Variants in TMEM43 observed in about 807,000 individuals in gnomAD.
TMEM43 encodes the protein transmembrane protein 43.
TMEM43 carries 45 observed loss-of-function variants against 49.6 expected under a neutral mutation model. That is an observed-to-expected ratio of 0.91 (90% CI 0.71 to 1.16). TMEM43 has a LOEUF of 1.16. Among genes scored for constraint, TMEM43 ranks in the 50% most tolerant of loss-of-function variants. The pLI, the probability that TMEM43 is intolerant of heterozygous loss-of-function variation, is 0.00. For synonymous variants in TMEM43, 199 were observed against 207.8 expected (o/e 0.96, Z 0.36); for missense variants, 532 against 516.6 (o/e 1.03, Z -0.29).
In TMEM43 at chr3:14,143,532, T is replaced by A. The variant is rs1298924564; in HGVS notation, c.*1737T>A. The stretch of plus-strand genomic sequence containing the variant: ...CAAAATCCTTGGGCTTTGGTTTTTT[T>A]CTAGTAAGGATTTTAAATAACTGCC... On this transcript the variant is annotated 3_prime_UTR_variant, in exon 12 of 12. Transcript: ENST00000306077. 6.6e-6 allele frequency: 1 copy of A among 152,254 alleles called. No individual in the cohort carries two copies. Among genetic ancestry groups the A allele is most frequent in the Non-Finnish European group, 1.5e-5 (1 of 68,046 alleles). The allele number at this position is 152,254 out of a possible 1,614,324, so 9.4% of individuals were successfully genotyped here.
chr3:14,140,156 G>A (rs564655691), intron 11 of TMEM43, among the ~76,000 whole-genome samples: 3 of 152,318 alleles, frequency 2.0e-5, no homozygotes, highest in East Asian at 1.9e-4. Flanking sequence ...AAACAGGCCC[G>A]GGAAGGGAAG....
intron 1 of TMEM43, among the ~76,000 whole-genome samples, chr3:14,127,089 A>T (rs1018995761): frequency 5.3e-5 from 8 of 152,028 alleles, no homozygotes; most frequent in Admixed American, 4.6e-4. Flanking sequence ...GAGTGCTAGG[A>T]CTGGGAGGGG....
At chr3:14,133,985 G>A (rs956186390) in intron 7 of TMEM43, among the ~76,000 whole-genome samples, 176 bp downstream of exon 7, 1 of 152,196 alleles carries the variant, frequency 6.6e-6, no homozygotes, top group East Asian at 1.9e-4. Context: ...AAGGGCTGAC[G>A]TAGAAACCCC....
intron 11 of TMEM43, among the ~76,000 whole-genome samples, chr3:14,140,687 A>ATCT (rs1388221054): frequency 2.0e-5 from 3 of 152,206 alleles, no homozygotes; most frequent in African/African-American, 7.2e-5. Flanking sequence ...TGGAGTTAAG[A>ATCT]AGAGTACCTA....
Position 14,135,351 on chromosome 3 carries a change from C to G in TMEM43, c.780+119C>G, listed in dbSNP as rs937157208. 15 of 820,062 alleles carry G rather than the reference C, an allele frequency of 1.8e-5. No individual in the cohort carries two copies. In the African/African-American group the frequency reaches 2.0e-4, roughly 11 times the overall value. The allele number at this position is 820,062 out of a possible 1,614,324, so 50.8% of individuals were successfully genotyped here. Reference sequence around the variant, plus strand: ...CCTTTTCCCTGGGGAAAGGCACACTCTCGCACACACTCTCAGCCAGGCACG... The same window carrying G: ...CCTTTTCCCTGGGGAAAGGCACACTGTCGCACACACTCTCAGCCAGGCACG... On this transcript the variant is annotated intron_variant, in intron 9 of 11. Coordinates refer to ENST00000306077, the MANE Select transcript of TMEM43 (RefSeq NM_024334.3).
At chr3:14,131,034 C>T in intron 3 of TMEM43, 78 bp downstream of exon 3, 2 of 1,545,964 alleles carry the variant, frequency 1.3e-6, no homozygotes, top group Non-Finnish European at 1.8e-6. Context: ...GATTTGAAAG[C>T]ATGGGCCTTG....
Position 14,142,079 on chromosome 3 carries a change from T to C in TMEM43, c.*284T>C. 2.1e-6 allele frequency: 1 copy of C among 481,976 alleles called. No individual in the cohort carries two copies. Among genetic ancestry groups the C allele is most frequent in the South Asian group, 2.2e-5 (1 of 44,922 alleles). 29.9% of individuals were successfully genotyped at this position (481,976 alleles called of 1,614,324 possible). ...CTGCTGTTTCCTTCCTCTCTTGGAC[T>C]GAGTGGGTACGGCCAGCCACTCAGC... On this transcript the variant is annotated 3_prime_UTR_variant, in exon 12 of 12. Transcript: ENST00000306077.
rs201094625 is a variant in TMEM43, at chr3:14,130,825, C to T, written c.166C>T (p.Arg56Cys). 114 of 1,613,642 alleles carry T rather than the reference C, an allele frequency of 7.1e-5. No homozygotes were observed. The highest frequency in any genetic ancestry group is 1.3e-4 in the African/African-American group (10 of 74,898). ...SFYLIFTNEG[R>C]ALKTATSLAE... ...CCCCACTCCCCTTTGCTCCCAGGGC[C>T]GCGCATTGAAGACGGCAACCTCATT... Residue 56 changes from arginine (R) to cysteine (C), a missense_variant, in exon 3 of 12, where the codon CGC becomes TGC. Coordinates refer to ENST00000306077, the MANE Select transcript of TMEM43 (RefSeq NM_024334.3).
Position 14,135,802 on chromosome 3 carries a change from A to T in TMEM43, c.781-5A>T, listed in dbSNP as rs757974998. On this transcript the variant is annotated splice_region_variant and splice_polypyrimidine_tract_variant and intron_variant, in intron 9 of 11. Transcript: ENST00000306077. ...CTCAGCTCTAACACCAGGTCCTCTG[A>T]CCAGGTCACTGTGATTGCCCGGCAG... 6.2e-7 allele frequency: 1 copy of T among 1,612,648 alleles called. No individual in the cohort carries two copies. The highest frequency in any genetic ancestry group is 2.2e-5 in the East Asian group (1 of 44,882).
At chr3:14,135,365 C>G (rs1344582268) in intron 9 of TMEM43, 133 bp downstream of exon 9, 2 of 774,060 alleles carry the variant, frequency 2.6e-6, no homozygotes, top group Non-Finnish European at 4.4e-6. Flanking sequence ...CACACACTCT[C>G]AGCCAGGCAC....
chr3:14,141,538 T>G, intron 11 of TMEM43, 55 bp from the exon 12 acceptor site: 5 of 1,527,276 alleles, frequency 3.3e-6, no homozygotes, highest in African/African-American at 1.4e-5. Flanking sequence ...AGAGATCTGC[T>G]GAGCTGGTGA....
rs1440998561 is a variant in TMEM43, at chr3:14,136,945, GT to G, written c.882+1042del. On this transcript the variant is annotated intron_variant, in intron 10 of 11. Coordinates refer to ENST00000306077, the MANE Select transcript of TMEM43 (RefSeq NM_024334.3). ...CTGCAGCAGAAGAATTGAGTCTTTA[GT>G]TTTTCTGTTGTTGATGAACACAGGT... Among the ~76,000 whole-genome samples the G allele has an allele frequency of 8.7e-5, 13 of 149,508 alleles. 2 individuals are homozygous for G. The highest frequency in any genetic ancestry group is 4.1e-4 in the Admixed American group (6 of 14,786).
At chr3:14,137,847 G>A (rs1695190146) in intron 10 of TMEM43, 1 of 152,212 alleles carries the variant, frequency 6.6e-6, no homozygotes, top group South Asian at 2.1e-4. Flanking sequence ...TTGAACACCA[G>A]GTACTTCACA....
intron 1 of TMEM43, among the ~76,000 whole-genome samples, chr3:14,126,142 G>A (rs1036155804): frequency 3.9e-5 from 6 of 152,144 alleles, no homozygotes; most frequent in African/African-American, 1.4e-4. Flanking sequence ...CCCTTGAGAG[G>A]CCAGGGTGTG....
In TMEM43 at chr3:14,139,176, G is replaced by A. The variant is rs1695215864; in HGVS notation, c.883-4G>A. On this transcript the variant is annotated splice_region_variant and splice_polypyrimidine_tract_variant and intron_variant, in intron 10 of 11. Transcript: ENST00000306077. ...TCCTGACCTGCCCCCACCTTGTCCT[G>A]CAGGAGGTGTTTCATAGAGAACTAA... 6.2e-7 allele frequency: 1 copy of A among 1,610,856 alleles called. No individual in the cohort carries two copies. Among genetic ancestry groups the A allele is most frequent in the South Asian group, 1.1e-5 (1 of 91,042 alleles).
In TMEM43 at chr3:14,132,554, C is replaced by A. The variant is rs778405877; in HGVS notation, c.401C>A (p.Thr134Asn). 2 of 1,614,010 alleles carry A rather than the reference C, an allele frequency of 1.2e-6. No individual in the cohort carries two copies. Among genetic ancestry groups the A allele is most frequent in the Admixed American group, 3.3e-5 (2 of 59,996 alleles). The change falls in exon 5 of 12, where the codon ACC becomes AAC. Residue 134 changes from threonine to asparagine, a missense_variant. Transcript: ENST00000306077. ...CTTTGCTTTCCCTGCAGGGAGTACA[C>A]CGAGGATGGGCAGGTGAAGAAGGAG... ...WVETEESREY[T>N]EDGQVKKETR... is the part of the protein sequence containing the mutation.
intron 1 of TMEM43, 68 bp downstream of exon 1, chr3:14,125,273 T>A: frequency 1.3e-6 from 2 of 1,545,618 alleles, no homozygotes. Flanking sequence ...TTCCCCGGGG[T>A]CCTCTAGGTC....
intron 1 of TMEM43, among the ~76,000 whole-genome samples, chr3:14,126,923 A>G (rs1695028718): frequency 6.6e-6 from 1 of 152,156 alleles, no homozygotes; most frequent in African/African-American, 2.4e-5. Context: ...TCCACTTTAT[A>G]AGTGAGTAAA....
chr3:14,129,346 T>G (rs1485913108), intron 1 of TMEM43, 66 bp from the exon 2 acceptor site: 35 of 796,894 alleles, frequency 4.4e-5, no homozygotes, highest in Non-Finnish European at 6.1e-5. Context: ...TGAGTATAAA[T>G]AAATAGCAAA....
Sources: allele counts gnomAD v4.1 joint callset (sites outside exome capture counted in the v4.1 genomes callset), GRCh38; gene constraint gnomAD v4.1.1; transcripts MANE v1.5; gene names NCBI Gene and HGNC (gene_info 2026-07-23, HGNC 2026-07-21).